Variants in SLC28A3 observed in about 807,000 individuals in gnomAD.
SLC28A3 encodes the protein concentrative Na(+)-nucleoside cotransporter 3.
Under a neutral mutation model 84.2 loss-of-function variants are expected in SLC28A3, and 68 were observed. The ratio of observed to expected loss-of-function variants is 0.81; its 90% CI spans 0.66 to 0.99. SLC28A3 has a LOEUF of 0.99. Among genes scored for constraint, SLC28A3 ranks in the 50% least tolerant of loss-of-function variants. SLC28A3 has a pLI of 0.00. For missense variants in SLC28A3, 712 were observed against 841.5 expected (o/e 0.85, Z 1.90); for synonymous variants, 267 against 303.6 (o/e 0.88, Z 1.25).
chr9:84,280,695 G>T, intron 15 of SLC28A3, 106 bp downstream of exon 15: 1 of 1,072,776 alleles, frequency 9.3e-7, no homozygotes, highest in Non-Finnish European at 1.4e-6. Flanking sequence ...ACTCATGACT[G>T]TTGCAAAGGC....
chr9:84,324,892 G>A (rs993619405), intron 1 of SLC28A3, among the ~76,000 whole-genome samples: 2 of 152,076 alleles, frequency 1.3e-5, no homozygotes, highest in African/African-American at 4.8e-5. Context: ...CTCTCCCATG[G>A]TATAAAGCAA....
rs13285844 is a variant in SLC28A3 at position 84,330,478 on chromosome 9, C to A, written c.60+10096G>T. ...GTGGGTGATCCAATAGAATAACCAT[C>A]AGTGGCAAGTGGTTACTGAGTGCTT... On this transcript the variant is annotated intron_variant, in intron 1 of 17. Coordinates refer to ENST00000376238, the MANE Select transcript of SLC28A3 (RefSeq NM_001199633.2). Among the ~76,000 whole-genome samples, 195 of 152,268 alleles carry A rather than the reference C, an allele frequency of 1.3e-3. 1 individual carries two copies. The highest frequency in any genetic ancestry group is 3.4e-3 in the Middle Eastern group (1 of 294).
rs144098869 is a variant in SLC28A3 at position 84,320,475 on chromosome 9, T to C, written c.61-7021A>G. 1.6e-3 allele frequency among the ~76,000 whole-genome samples: 250 copies of C among 152,308 alleles called. 1 individual carries two copies. The highest frequency in any genetic ancestry group is 5.0e-3 in the South Asian group (24 of 4,820). Reference sequence around the variant, plus strand: ...CTTCCTCTTCAAAATGATCTGTCCCTGACTTTTGTGATATCACACTTTATT... The same window carrying C: ...CTTCCTCTTCAAAATGATCTGTCCCCGACTTTTGTGATATCACACTTTATT... On this transcript the variant is annotated intron_variant, in intron 1 of 17. Transcript: ENST00000376238.
intron 1 of SLC28A3, among the ~76,000 whole-genome samples, chr9:84,338,014 G>A (rs763996253): frequency 1.3e-4 from 20 of 152,192 alleles, no homozygotes; most frequent in Non-Finnish European, 2.8e-4. Flanking sequence ...GTCCAGATGA[G>A]AGCCTGTCCA....
In SLC28A3 at chr9:84,280,845, C is replaced by T; in HGVS notation, c.1685G>A (p.Gly562Asp). ...TCCTAGGGACCCGATATTGGCAAAACCACAGAGAGCGTAAGTGGCGATTAT... is the reference window on the plus strand; with the variant it reads ...TCCTAGGGACCCGATATTGGCAAAATCACAGAGAGCGTAAGTGGCGATTAT... Reference protein sequence around the residue: ...SEIIATYALCGFANIGSLGIV... With the variant: ...SEIIATYALCDFANIGSLGIV... The change falls in exon 15 of 18, where the codon GGT becomes GAT. Residue 562 changes from glycine to aspartate, a missense_variant. By Grantham distance (94) the Gly-to-Asp change is moderately conservative. Coordinates refer to ENST00000376238, the MANE Select transcript of SLC28A3 (RefSeq NM_001199633.2). The T allele has an allele frequency of 6.2e-7, 1 of 1,614,096 alleles. No homozygotes were observed. The highest frequency in any genetic ancestry group is 8.5e-7 in the Non-Finnish European group (1 of 1,180,016).
At chr9:84,324,898 AG>A (rs1026140946) in intron 1 of SLC28A3, among the ~76,000 whole-genome samples, 1 of 152,148 alleles carries the variant, frequency 6.6e-6, no homozygotes, top group Admixed American at 6.5e-5. Flanking sequence ...CATGGTATAA[AG>A]CAACCTTGAC....
upstream of SLC28A3, among the ~76,000 whole-genome samples, chr9:84,345,515 G>C (rs1827235074): frequency 1.3e-5 from 2 of 152,198 alleles, no homozygotes; most frequent in South Asian, 4.1e-4. Flanking sequence ...CACTGCTTTA[G>C]GAACTTTTAG....
chr9:84,350,956 C>T, the SLC28A3 span, among the ~76,000 whole-genome samples: 1 of 152,170 alleles, frequency 6.6e-6, no homozygotes, highest in Non-Finnish European at 1.5e-5. Flanking sequence ...ATCCTCCCAC[C>T]TCAGCCTCCC....
chr9:84,299,693 A>G lies in SLC28A3; in HGVS notation c.557T>C (p.Ile186Thr). The G allele has an allele frequency of 6.2e-7, 1 of 1,611,666 alleles. No homozygotes were observed. The highest frequency in any genetic ancestry group is 8.5e-7 in the Non-Finnish European group (1 of 1,179,426). Residue 186 changes from isoleucine to threonine, a missense_variant, in exon 6 of 18, where the codon ATT becomes ACT. Coordinates refer to ENST00000376238, the MANE Select transcript of SLC28A3 (RefSeq NM_001199633.2). ...VIWSSLVLAV[I>T]FWLAFDTAKL... is the part of the protein sequence containing the mutation. The stretch of plus-strand genomic sequence containing the variant: ...GGCAGTGTCAAAGGCCAACCAGAAA[A>G]TAACTGCTAGGACCAGGGAGCTCCA...
chr9:84,302,599 TAGG>T (rs1398194546), intron 4 of SLC28A3, among the ~76,000 whole-genome samples: 2 of 152,180 alleles, frequency 1.3e-5, no homozygotes, highest in African/African-American at 2.4e-5. Flanking sequence ...CCATGAATGC[TAGG>T]AGGACAGGGT....
At chr9:84,318,168 T>C (rs1456929207) in intron 1 of SLC28A3, among the ~76,000 whole-genome samples, 1 of 152,236 alleles carries the variant, frequency 6.6e-6, no homozygotes, top group Non-Finnish European at 1.5e-5. Flanking sequence ...TGTGAGTTAA[T>C]GGGCACTAGC....
the SLC28A3 span, among the ~76,000 whole-genome samples, chr9:84,358,375 C>T: frequency 4.8e-4 from 73 of 152,264 alleles, no homozygotes; most frequent in African/African-American, 1.8e-3. Flanking sequence ...CAACAACCCC[C>T]ACCTGGCAGC....
intron 1 of SLC28A3, among the ~76,000 whole-genome samples, chr9:84,322,686 A>T (rs1271632636): frequency 6.6e-6 from 1 of 152,126 alleles, no homozygotes; most frequent in Non-Finnish European, 1.5e-5. Context: ...TTTTATTAAA[A>T]ATACAAAAAT....
intron 17 of SLC28A3, 132 bp downstream of exon 17, chr9:84,279,133 A>G (rs1345510128): frequency 1.1e-5 from 9 of 787,912 alleles, no homozygotes; most frequent in Admixed American, 6.9e-5. Flanking sequence ...AGATTGCGCC[A>G]CTGCACTCCA....
intron 5 of SLC28A3, among the ~76,000 whole-genome samples, chr9:84,300,039 G>A (rs1254401399): frequency 6.6e-6 from 1 of 152,066 alleles, no homozygotes; most frequent in Non-Finnish European, 1.5e-5. Context: ...GCGATTGCCC[G>A]CCTCGGCCTC....
At chr9:84,364,160 T>G in the SLC28A3 span, among the ~76,000 whole-genome samples, 1 of 148,058 alleles carries the variant, frequency 6.8e-6, no homozygotes, top group African/African-American at 2.5e-5. Flanking sequence ...CGTCTTGCTC[T>G]GTTACCAAAG....
At chr9:84,348,390 G>C in the SLC28A3 span, among the ~76,000 whole-genome samples, 8 of 150,146 alleles carry the variant, frequency 5.3e-5, no homozygotes, top group African/African-American at 2.0e-4. Flanking sequence ...TCTGAACTTA[G>C]ATTAGCTTCC....
chr9:84,330,071 T>G (rs1024239854), intron 1 of SLC28A3, among the ~76,000 whole-genome samples: 1 of 150,858 alleles, frequency 6.6e-6, no homozygotes, highest in African/African-American at 2.4e-5. Flanking sequence ...AAAGAAATAA[T>G]GAAGATTATC....
chr9:84,324,341 A>G (rs1047829949), intron 1 of SLC28A3, among the ~76,000 whole-genome samples: 14 of 152,174 alleles, frequency 9.2e-5, no homozygotes, highest in African/African-American at 3.4e-4. Flanking sequence ...TCAGTAAATT[A>G]AATTAGAAAA....
Sources: gnomAD v4.1 joint callset for allele counts (sites outside exome capture counted in the v4.1 genomes callset) on GRCh38, gnomAD v4.1.1 for gene constraint, MANE v1.5 for transcripts, NCBI Gene and HGNC (gene_info 2026-07-23, HGNC 2026-07-21) for gene names.